KLHL4: variants seen among roughly 807,000 people sequenced by gnomAD.
The protein encoded by KLHL4 is kelch like family member 4, also known as kelch-like protein 4.
A neutral mutation model predicts 45.8 loss-of-function variants in KLHL4; 17 were observed. The observed-to-expected ratio is 0.37, with a 90% CI of 0.25 to 0.56. KLHL4 has a LOEUF of 0.56. Among genes scored for constraint, KLHL4 ranks in the 20% least tolerant of loss-of-function variants. The pLI, the probability that KLHL4 is intolerant of heterozygous loss-of-function variation, is 0.79. For missense variants in KLHL4, 544 were observed against 544.9 expected, an observed-to-expected ratio of 1.00 and a Z score of 0.02; for synonymous variants, 224 against 189.9, an observed-to-expected ratio of 1.18 and a Z score of -1.47.
At chrX:87,647,808 G>T (rs1374131593) in intron 9 of KLHL4, among the ~76,000 whole-genome samples, 3 of 110,740 alleles carry the variant, frequency 2.7e-5, no homozygotes, top group Admixed American at 9.6e-5. Context: ...AACCACTAAA[G>T]AAATTATTCA....
intron 1 of KLHL4, among the ~76,000 whole-genome samples, chrX:87,556,257 G>T (rs1447461126): frequency 2.7e-5 from 3 of 110,431 alleles, no homozygotes; most frequent in Non-Finnish European, 5.7e-5. Context: ...CAATAGCAAA[G>T]ACTTGGAACC....
At chrX:87,621,723 C>A (rs897523086) in intron 4 of KLHL4, among the ~76,000 whole-genome samples, 7 of 111,528 alleles carry the variant, frequency 6.3e-5, no homozygotes, top group Non-Finnish European at 9.4e-5. Flanking sequence ...AGTTTTTCAT[C>A]ATTCTTTTTT....
At chrX:87,545,500 ATTGT>A (rs1931657172) in intron 1 of KLHL4, among the ~76,000 whole-genome samples, 2 of 96,208 alleles carry the variant, frequency 2.1e-5, no homozygotes, top group South Asian at 9.7e-4. Context: ...CTCTGACATG[ATTGT>A]TAAGTTTCTT....
chrX:87,535,386 C>A (rs186083489), intron 1 of KLHL4, among the ~76,000 whole-genome samples: 4 of 111,954 alleles, frequency 3.6e-5, no homozygotes, highest in African/African-American at 1.3e-4. Context: ...AGGCTGATCA[C>A]AAAATTATTT....
At chrX:87,547,865 T>C (rs1267140173) in intron 1 of KLHL4, among the ~76,000 whole-genome samples, 1 of 110,925 alleles carries the variant, frequency 9.0e-6, no homozygotes, top group Non-Finnish European at 1.9e-5. Flanking sequence ...GTACAAAAGA[T>C]TTAGAAAATA....
At chrX:87,651,402 T>C (rs1008105034) in intron 9 of KLHL4, among the ~76,000 whole-genome samples, 1 of 111,924 alleles carries the variant, frequency 8.9e-6, no homozygotes, top group Non-Finnish European at 1.9e-5. Flanking sequence ...AACTCAAAAG[T>C]CCACAGTTCA....
intron 1 of KLHL4, among the ~76,000 whole-genome samples, chrX:87,564,546 T>G (rs753594598): frequency 9.0e-6 from 1 of 111,258 alleles, no homozygotes; most frequent in African/African-American, 3.3e-5. Context: ...TATATTAATA[T>G]CAGACAAAAT....
intron 5 of KLHL4, among the ~76,000 whole-genome samples, chrX:87,623,580 C>T (rs1018054138): frequency 4.5e-5 from 5 of 111,028 alleles, no homozygotes; most frequent in Non-Finnish European, 9.4e-5. Flanking sequence ...GTGTGAGCCA[C>T]TGTGCCCAGT....
chrX:87,551,269 A>G (rs1315277202), intron 1 of KLHL4, among the ~76,000 whole-genome samples: 2 of 68,836 alleles, frequency 2.9e-5, no homozygotes, highest in Non-Finnish European at 5.3e-5. Flanking sequence ...AATAGCTGCA[A>G]AAAAAAATTA....
chrX:87,643,458 C>T (rs1315063856), intron 9 of KLHL4, among the ~76,000 whole-genome samples: 1 of 111,296 alleles, frequency 9.0e-6, no homozygotes, highest in Non-Finnish European at 1.9e-5. Flanking sequence ...GACAGATTCA[C>T]AGTGGAATTC....
At chrX:87,582,797 G>A (rs2147795804) in intron 1 of KLHL4, among the ~76,000 whole-genome samples, 1 of 111,764 alleles carries the variant, frequency 8.9e-6, no homozygotes, top group Admixed American at 9.5e-5. Flanking sequence ...CTTAAAGATG[G>A]CACGGACCCA....
chrX:87,534,149 T>C (rs1204503201), intron 1 of KLHL4, among the ~76,000 whole-genome samples: 3 of 111,570 alleles, frequency 2.7e-5, no homozygotes, highest in Non-Finnish European at 5.6e-5. Flanking sequence ...GGGCAGTTCA[T>C]TTTCAGAGAC....
intron 4 of KLHL4, among the ~76,000 whole-genome samples, chrX:87,620,904 CACT>C (rs1462334170): frequency 2.7e-5 from 3 of 112,386 alleles, no homozygotes; most frequent in African/African-American, 9.7e-5. Context: ...TTAATAGTTG[CACT>C]ACTATCACCA....
chrX:87,634,045 T>C (rs145707701), intron 8 of KLHL4, 134 bp downstream of exon 8: 3 of 466,212 alleles, frequency 6.4e-6, no homozygotes, highest in Non-Finnish European at 1.0e-5. Flanking sequence ...AAGGTCTTCA[T>C]TGGAACTCTC....
rs1267025280 is a variant in KLHL4 at position 87,664,890 on chromosome X, G to C, written c.2052G>C (p.Leu684Phe). The C allele has an allele frequency of 8.4e-7, 1 of 1,196,812 alleles. No individual in the cohort carries two copies. Among genetic ancestry groups the C allele is most frequent in the East Asian group, 3.0e-5 (1 of 33,718 alleles). ...GAGGATATGACGGACATACTTATTT[G>C]AACACAGTTGAGTCATATGATGCAC... ...VVGGYDGHTY[L>F]NTVESYDAQR... Residue 684 changes from leucine (L) to phenylalanine (F), a missense_variant, in exon 10 of 11, where the codon TTG becomes TTC. Leu to Phe is a conservative substitution (Grantham distance 22). Coordinates refer to ENST00000373119, the MANE Select transcript of KLHL4 (RefSeq NM_019117.5).
In KLHL4 at chrX:87,596,012, T is replaced by G. The variant is rs184423854; in HGVS notation, c.423-17865T>G. On this transcript the variant is annotated intron_variant, in intron 1 of 10. Transcript: ENST00000373119. ...TACCATCTTCTGGATACCTTTTTCATGACAGTGAGTGAATTCTCATGAGAT... is the reference window on the plus strand; with the variant it reads ...TACCATCTTCTGGATACCTTTTTCAGGACAGTGAGTGAATTCTCATGAGAT... Among the ~76,000 whole-genome samples the G allele has an allele frequency of 3.6e-3, 399 of 110,970 alleles. 4 individuals are homozygous for G. In the South Asian group the frequency reaches 0.048, roughly 13 times the overall value.
Position 87,668,783 on chromosome X carries a change from C to A in KLHL4, c.*2249C>A. ...TGTGATGCTATGTGTTACCTTGGGA[C>A]TTACCTGACAGCTCTTACCAACAAG... On this transcript the variant is annotated 3_prime_UTR_variant, in exon 11 of 11. Coordinates refer to ENST00000373119, the MANE Select transcript of KLHL4 (RefSeq NM_019117.5). The A allele has an allele frequency of 5.5e-6, 1 of 180,379 alleles. No homozygotes were observed. The highest frequency in any genetic ancestry group is 8.7e-6 in the Non-Finnish European group (1 of 114,639). The allele number at this position is 180,379 out of a possible 1,213,427, so 14.9% of individuals were successfully genotyped here.
chrX:87,591,870 T>C (rs1921675872), intron 1 of KLHL4, among the ~76,000 whole-genome samples: 1 of 111,934 alleles, frequency 8.9e-6, no homozygotes, highest in African/African-American at 3.2e-5. Flanking sequence ...ATTCCAAATA[T>C]ACTCTTTAAG....
At chrX:87,574,677 T>G (rs1009367274) in intron 1 of KLHL4, among the ~76,000 whole-genome samples, 2 of 111,631 alleles carry the variant, frequency 1.8e-5, no homozygotes, top group African/African-American at 3.3e-5. Flanking sequence ...CTAATCAGTG[T>G]GGGCATATGT....
Sources: gnomAD v4.1 joint callset for allele counts (sites outside exome capture counted in the v4.1 genomes callset) on GRCh38, gnomAD v4.1.1 for gene constraint, MANE v1.5 for transcripts, NCBI Gene and HGNC (gene_info 2026-07-23, HGNC 2026-07-21) for gene names.